DLGAP2: variants seen among roughly 807,000 people sequenced by gnomAD.
DLGAP2 encodes DLG associated protein 2.
DLGAP2 carries 26 observed loss-of-function variants against 100.3 expected under a neutral mutation model. The observed-to-expected ratio is 0.26, with a 90% CI of 0.19 to 0.36. The LOEUF (loss-of-function observed/expected upper bound fraction) is 0.36, where lower values mean the gene tolerates loss of function less well. Among genes scored for constraint, DLGAP2 ranks in the 10% least tolerant of loss-of-function variants. The probability of loss-of-function intolerance (pLI) is 1.00; values close to 1 mark genes in which losing one functional copy is unlikely to be tolerated. For synonymous variants in DLGAP2, 886 were observed against 630.1 expected (o/e 1.41, Z -6.08); for missense variants, 1,858 against 1,453.2 (o/e 1.28, Z -4.53).
At chr8:1,257,316 G>C (rs73533770) in intron 2 of DLGAP2, among the ~76,000 whole-genome samples, 1 of 152,030 alleles carries the variant, frequency 6.6e-6, no homozygotes, top group African/African-American at 2.4e-5. Flanking sequence ...AGCCTGTGAG[G>C]CTCTGCCTCA....
intron 3 of DLGAP2, among the ~76,000 whole-genome samples, chr8:1,276,809 G>T (rs1227364109): frequency 1.3e-5 from 2 of 152,104 alleles, no homozygotes; most frequent in Non-Finnish European, 2.9e-5. Flanking sequence ...CTGGCAAAAA[G>T]AACTTCAGTA....
chr8:1,502,253 C>G (rs1018910358), intron 4 of DLGAP2, among the ~76,000 whole-genome samples: 3 of 152,236 alleles, frequency 2.0e-5, no homozygotes, highest in African/African-American at 7.2e-5. Flanking sequence ...AGTGACAGCA[C>G]TCAGGGCTGG....
At chr8:968,441 C>G (rs1243080360) in intron 2 of DLGAP2, among the ~76,000 whole-genome samples, 2 of 152,172 alleles carry the variant, frequency 1.3e-5, no homozygotes, top group South Asian at 4.1e-4. Flanking sequence ...GGGAGGAACT[C>G]CAGAGCCTGT....
intron 3 of DLGAP2, among the ~76,000 whole-genome samples, chr8:1,433,724 T>A (rs7837414): frequency 0.22 from 31,822 of 144,074 alleles, 3,802 homozygotes; most frequent in Middle Eastern, 0.31. Context: ...AATACACAGA[T>A]GAGGCAAAAC....
chr8:892,942 C>T (rs1359078112), intron 1 of DLGAP2: 1 of 152,148 alleles, frequency 6.6e-6, no homozygotes, highest in Non-Finnish European at 1.5e-5. Flanking sequence ...CCCGTGCCTC[C>T]TGGTCTGCAT....
chr8:1,291,356 G>C (rs558059666), intron 3 of DLGAP2, among the ~76,000 whole-genome samples: 1 of 152,096 alleles, frequency 6.6e-6, no homozygotes, highest in Non-Finnish European at 1.5e-5. Flanking sequence ...AAGCAAGCAG[G>C]AGTAGCTATT....
At chr8:1,206,834 C>G (rs1392097470) in intron 2 of DLGAP2, among the ~76,000 whole-genome samples, 1 of 152,206 alleles carries the variant, frequency 6.6e-6, no homozygotes, top group East Asian at 1.9e-4. Context: ...CCTCTTCTGT[C>G]GCTGACACAG....
intron 8 of DLGAP2, among the ~76,000 whole-genome samples, chr8:1,661,648 G>A (rs1798411507): frequency 1.3e-5 from 2 of 152,188 alleles, no homozygotes; most frequent in Admixed American, 6.5e-5. Flanking sequence ...CAGTCAGAGT[G>A]GATGTGAGGT....
At chr8:801,669 G>T (rs1160150298) in intron 1 of DLGAP2, among the ~76,000 whole-genome samples, 1 of 152,146 alleles carries the variant, frequency 6.6e-6, no homozygotes, top group Non-Finnish European at 1.5e-5. Context: ...TGTGCAGCGG[G>T]CTTCCTGTGA....
chr8:1,287,489 T>A, intron 3 of DLGAP2, among the ~76,000 whole-genome samples: 1 of 50,596 alleles, frequency 2.0e-5, no homozygotes, highest in Non-Finnish European at 3.5e-5. Context: ...TGTGTGTGTG[T>A]GTGTGTGGTT....
intron 2 of DLGAP2, among the ~76,000 whole-genome samples, chr8:1,167,098 T>C (rs903517249): frequency 5.9e-5 from 9 of 152,076 alleles, no homozygotes; most frequent in Admixed American, 1.3e-4. Context: ...ATTGTATCAC[T>C]GTACTCTAGC....
At chr8:820,821 T>G (rs552758520) in intron 1 of DLGAP2, among the ~76,000 whole-genome samples, 2 of 152,168 alleles carry the variant, frequency 1.3e-5, no homozygotes, top group Admixed American at 1.3e-4. Context: ...TACTCAAGAG[T>G]AAGGGATTTG....
In DLGAP2 at chr8:927,606, A is replaced by T. The variant is rs374762449; in HGVS notation, c.73+19640A>T. On this transcript the variant is annotated intron_variant, in intron 2 of 14. Coordinates refer to ENST00000637795, the MANE Select transcript of DLGAP2 (RefSeq NM_001346810.2). ...ACATAATCGTAACAATTCTGTTCTT[A>T]ACAGGAGAATCGTGGGGCCCAGCAC... Among the ~76,000 whole-genome samples the T allele has an allele frequency of 3.7e-4, 56 of 152,282 alleles. 1 individual carries two copies. In the East Asian group the frequency reaches 9.9e-3, roughly 27 times the overall value.
intron 4 of DLGAP2, among the ~76,000 whole-genome samples, chr8:1,531,896 G>C (rs1801000701): frequency 6.6e-6 from 1 of 152,154 alleles, no homozygotes; most frequent in Non-Finnish European, 1.5e-5. Flanking sequence ...GCACACCCGT[G>C]ACACAGCCTC....
chr8:1,311,785 C>A (rs372586922), intron 3 of DLGAP2, among the ~76,000 whole-genome samples: 2 of 151,816 alleles, frequency 1.3e-5, no homozygotes, highest in Non-Finnish European at 2.9e-5. Context: ...AAGCCACAGC[C>A]AAGACATCCA....
chr8:855,404 G>C (rs1250858064), intron 1 of DLGAP2, among the ~76,000 whole-genome samples: 1 of 152,140 alleles, frequency 6.6e-6, no homozygotes, highest in Non-Finnish European at 1.5e-5. Context: ...CTGCAGGAAT[G>C]TCCGCTGAAT....
chr8:1,320,630 T>C (rs1800874617), intron 3 of DLGAP2, among the ~76,000 whole-genome samples: 2 of 152,312 alleles, frequency 1.3e-5, no homozygotes, highest in African/African-American at 2.4e-5. Flanking sequence ...TCTGGTCATA[T>C]GGGACTAATT....
intron 2 of DLGAP2, among the ~76,000 whole-genome samples, chr8:946,791 C>A (rs1004709349): frequency 6.6e-6 from 1 of 152,218 alleles, no homozygotes. Flanking sequence ...GAGCCCTTCT[C>A]ATTACAAAAG....
At chr8:1,480,544 T>C (rs998559233) in intron 3 of DLGAP2, among the ~76,000 whole-genome samples, 1 of 151,794 alleles carries the variant, frequency 6.6e-6, no homozygotes, top group Non-Finnish European at 1.5e-5. Flanking sequence ...AAATAAAGAG[T>C]TATGTTAACA....
Sources: gnomAD v4.1 joint callset for allele counts (sites outside exome capture counted in the v4.1 genomes callset) on GRCh38, gnomAD v4.1.1 for gene constraint, MANE v1.5 for transcripts, NCBI Gene and HGNC (gene_info 2026-07-23, HGNC 2026-07-21) for gene names.